The following NFIB variants were observed in gnomAD, a reference collection of about 807,000 sequenced individuals.
NFIB encodes nuclear factor 1 B-type.
In NFIB, 11 loss-of-function variants were observed where a neutral mutation model predicts 61.5. The ratio of observed to expected loss-of-function variants is 0.18; its 90% CI spans 0.11 to 0.30. NFIB has a LOEUF of 0.30. Ranked by LOEUF, NFIB falls within the 10% of genes least tolerant of loss-of-function variation. The pLI is 1.00. For missense variants in NFIB, 471 were observed against 608.9 expected (o/e 0.77, Z 2.38); for synonymous variants, 260 against 216.5 (o/e 1.20, Z -1.76).
At chr9:14,114,460 T>C (rs561613216) in intron 9 of NFIB, among the ~76,000 whole-genome samples, 17 of 152,336 alleles carry the variant, frequency 1.1e-4, no homozygotes, top group African/African-American at 4.1e-4. Flanking sequence ...ACCAGTTTTT[T>C]ATTACTGGTG....
At chr9:14,465,428 T>A in the NFIB span, among the ~76,000 whole-genome samples, 1 of 152,112 alleles carries the variant, frequency 6.6e-6, no homozygotes, top group South Asian at 2.1e-4. Context: ...GTTTGACTAA[T>A]CAGAAGGAAA....
At chr9:14,367,386 G>A (rs924526992) in intron 1 of NFIB, among the ~76,000 whole-genome samples, 1 of 151,882 alleles carries the variant, frequency 6.6e-6, no homozygotes, top group African/African-American at 2.4e-5. Context: ...GGGTTCATCA[G>A]GTGATCCTGG....
intron 2 of NFIB, among the ~76,000 whole-genome samples, chr9:14,230,495 A>C (rs2052990634): frequency 6.6e-6 from 1 of 152,220 alleles, no homozygotes; most frequent in South Asian, 2.1e-4. Flanking sequence ...CTAGAATGTA[A>C]GTCCCATGAG....
In NFIB at chr9:14,130,432, T is replaced by C. The variant is rs934715169; in HGVS notation, c.926-4666A>G. ...TTATTCCACGCATAGAACAATGTTTTATCCACTGAACAAACTTGTTTTCTC... is the reference window on the plus strand; with the variant it reads ...TTATTCCACGCATAGAACAATGTTTCATCCACTGAACAAACTTGTTTTCTC... On this transcript the variant is annotated intron_variant, in intron 6 of 10. Coordinates refer to ENST00000380953, the MANE Select transcript of NFIB (RefSeq NM_001190737.2). Among the ~76,000 whole-genome samples the C allele has an allele frequency of 3.9e-5, 6 of 152,240 alleles. No homozygotes were observed. The South Asian group carries it at 1.2e-3, about 31-fold the overall frequency.
intron 10 of NFIB, chr9:14,093,484 A>G (rs1013337160): frequency 3.9e-5 from 6 of 152,108 alleles, no homozygotes; most frequent in Admixed American, 2.6e-4. Flanking sequence ...TAGCCACATT[A>G]TTTACAGATG....
chr9:14,302,961 T>C (rs891248440), intron 2 of NFIB, among the ~76,000 whole-genome samples: 1 of 152,102 alleles, frequency 6.6e-6, no homozygotes, highest in Non-Finnish European at 1.5e-5. Context: ...TTTTAGGCTT[T>C]TGGTTGATTT....
chr9:14,187,027 A>ATATG (rs1491093222), intron 2 of NFIB, among the ~76,000 whole-genome samples: 42 of 61,042 alleles, frequency 6.9e-4, no homozygotes, highest in African/African-American at 1.5e-3. Flanking sequence ...GTGTGTGTGT[A>ATATG]TGTGTGTGTG....
At chr9:14,172,815 G>C (rs1037365988) in intron 3 of NFIB, among the ~76,000 whole-genome samples, 22 of 151,956 alleles carry the variant, frequency 1.4e-4, no homozygotes, top group Admixed American at 6.6e-4. Context: ...TGCCACCCAG[G>C]CTGCTGTGCA....
At chr9:14,174,723 C>A (rs1006393335) in intron 3 of NFIB, among the ~76,000 whole-genome samples, 3 of 147,688 alleles carry the variant, frequency 2.0e-5, no homozygotes, top group Non-Finnish European at 4.5e-5. Context: ...GCCGAGATCA[C>A]GCCACTGCAC....
intron 1 of NFIB, among the ~76,000 whole-genome samples, chr9:14,347,731 A>G (rs537039020): frequency 5.3e-5 from 8 of 152,230 alleles, no homozygotes; most frequent in African/African-American, 1.9e-4. Context: ...CTTAGGAAAC[A>G]GACAAGGCAG....
At chr9:14,310,437 T>C (rs1338204147) in intron 1 of NFIB, among the ~76,000 whole-genome samples, 1 of 152,176 alleles carries the variant, frequency 6.6e-6, no homozygotes, top group Non-Finnish European at 1.5e-5. Context: ...TGTATTAACA[T>C]GCCTAAATGT....
chr9:14,427,937 GTTTTTTTTTTTTT>G, the NFIB span, among the ~76,000 whole-genome samples: 400 of 43,422 alleles, frequency 9.2e-3, 10 homozygotes, highest in African/African-American at 0.03. Flanking sequence ...TAATTCAGTT[GTTTTTTTTTTTTT>G]TTTTTTTTTT....
At chr9:14,420,560 T>A in the NFIB span, among the ~76,000 whole-genome samples, 1 of 151,828 alleles carries the variant, frequency 6.6e-6, no homozygotes, top group Admixed American at 6.6e-5. Context: ...TATCTTTTAC[T>A]GATGAAGATA....
intron 1 of NFIB, among the ~76,000 whole-genome samples, chr9:14,336,159 A>G (rs960575719): frequency 3.3e-5 from 5 of 152,146 alleles, no homozygotes; most frequent in African/African-American, 1.2e-4. Context: ...CTCTTCTGGT[A>G]TTTTGTCTTG....
At chr9:14,193,181 A>C (rs1423840914) in intron 2 of NFIB, among the ~76,000 whole-genome samples, 2 of 150,916 alleles carry the variant, frequency 1.3e-5, no homozygotes, top group African/African-American at 2.4e-5. Flanking sequence ...TATCTCTTCC[A>C]GGAGGTCTTC....
chr9:14,097,915 C>G (rs2035118483), intron 10 of NFIB, among the ~76,000 whole-genome samples: 1 of 137,454 alleles, frequency 7.3e-6, no homozygotes, highest in African/African-American at 2.7e-5. Flanking sequence ...CCTGACCAAC[C>G]AGATCCAAAT....
At chr9:14,417,772 C>T in the NFIB span, among the ~76,000 whole-genome samples, 1,417 of 122,686 alleles carry the variant, frequency 0.012, 31 homozygotes, top group African/African-American at 0.04. Flanking sequence ...GGCCTAGGAA[C>T]AGTTTTTTTT....
At chr9:14,487,629 A>G in the NFIB span, among the ~76,000 whole-genome samples, 1 of 152,210 alleles carries the variant, frequency 6.6e-6, no homozygotes, top group Admixed American at 6.5e-5. Context: ...AAAGAACTTG[A>G]GTCCCTTGCT....
Position 14,313,359 on chromosome 9 carries a change from G to A in NFIB, c.30+123C>T. On this transcript the variant is annotated intron_variant, in intron 1 of 10. Transcript: ENST00000380953. The surrounding 1 kb of genome is among the most constrained non-coding windows in gnomAD (Gnocchi z 4.5). ...CCCGCGACGCCCGCTGCAACTCCGG[G>A]CCACTTCTCCAAGGGACGGGGATGT... The A allele has an allele frequency of 4.3e-6, 6 of 1,402,154 alleles. No homozygotes were observed. In the South Asian group the frequency reaches 5.0e-5, roughly 12 times the overall value. The allele number at this position is 1,402,154 out of a possible 1,614,324, so 86.9% of individuals were successfully genotyped here.
Sources: gnomAD v4.1 joint callset for allele counts (sites outside exome capture counted in the v4.1 genomes callset) on GRCh38, gnomAD v4.1.1 for gene constraint, Gnocchi (gnomAD v3.1) non-coding constraint, MANE v1.5 for transcripts, NCBI Gene and HGNC (gene_info 2026-07-23, HGNC 2026-07-21) for gene names.